Variants in PTPRM observed in about 807,000 individuals in gnomAD.
PTPRM encodes the protein protein tyrosine phosphatase receptor type M.
PTPRM carries 47 observed loss-of-function variants against 186.7 expected under a neutral mutation model. The observed-to-expected ratio is 0.25, with a 90% CI of 0.20 to 0.32. The LOEUF (loss-of-function observed/expected upper bound fraction) is 0.32, where lower values mean the gene tolerates loss of function less well. Ranked by LOEUF, PTPRM falls within the 10% of genes least tolerant of loss-of-function variation. PTPRM has a pLI of 1.00. For missense variants in PTPRM, 1,494 were observed against 1,865.0 expected (o/e 0.80, Z 3.66); for synonymous variants, 668 against 674.9 (o/e 0.99, Z 0.16).
At chr18:8,266,977 C>A (rs2094708636) in intron 19 of PTPRM, among the ~76,000 whole-genome samples, 1 of 152,164 alleles carries the variant, frequency 6.6e-6, no homozygotes, top group South Asian at 2.1e-4. Flanking sequence ...TCTTCACTCC[C>A]TTTATCTTCT....
rs375536095 is a variant in PTPRM, at chr18:7,888,466, G to A, written c.468+89G>A. 8.3e-4 allele frequency: 1,161 copies of A among 1,406,732 alleles called. 18 individuals are homozygous for A. In the South Asian group the frequency reaches 0.017, roughly 21 times the overall value. The allele number at this position is 1,406,732 out of a possible 1,614,324, so 87.1% of individuals were successfully genotyped here. A position where few individuals can be genotyped will look rare whatever the true frequency, so the allele number is the denominator to read the frequency against. ...TGTTATATCATTATAATCAGAAAAG[G>A]TTGTTGTATTTTTGTTGGCAAGGTT... On this transcript the variant is annotated intron_variant, in intron 3 of 32. Transcript: ENST00000580170.
chr18:8,328,630 A>G (rs2095393248), intron 22 of PTPRM, among the ~76,000 whole-genome samples: 1 of 152,244 alleles, frequency 6.6e-6, no homozygotes, highest in Non-Finnish European at 1.5e-5. Flanking sequence ...AAATTTAAAT[A>G]GGGATGCTTT....
At chr18:7,715,055 A>G (rs964709539) in intron 1 of PTPRM, among the ~76,000 whole-genome samples, 3 of 152,198 alleles carry the variant, frequency 2.0e-5, no homozygotes, top group African/African-American at 7.2e-5. Flanking sequence ...ACACAACCAA[A>G]AAAGAAAATT....
chr18:8,379,881 C>T (rs933183469), intron 28 of PTPRM, among the ~76,000 whole-genome samples: 2 of 152,218 alleles, frequency 1.3e-5, no homozygotes, highest in African/African-American at 4.8e-5. Context: ...AAAAAAAGTA[C>T]ATGTATTCTT....
chr18:8,201,755 C>G (rs1400047620), intron 14 of PTPRM, among the ~76,000 whole-genome samples: 2 of 152,132 alleles, frequency 1.3e-5, no homozygotes, highest in Non-Finnish European at 2.9e-5. Flanking sequence ...CCCTAAAGAC[C>G]TCATTTAATT....
At chr18:7,886,640 C>T (rs1400837663) in intron 2 of PTPRM, among the ~76,000 whole-genome samples, 1 of 152,072 alleles carries the variant, frequency 6.6e-6, no homozygotes. Context: ...GGGCTGGAAA[C>T]TCAGAAGCTC....
At chr18:8,279,049 C>T (rs1192218458) in intron 19 of PTPRM, among the ~76,000 whole-genome samples, 1 of 151,848 alleles carries the variant, frequency 6.6e-6, no homozygotes, top group East Asian at 1.9e-4. Flanking sequence ...GCACGTTGCG[C>T]ACATGTACCC....
intron 5 of PTPRM, among the ~76,000 whole-genome samples, chr18:7,938,749 A>G (rs919688488): frequency 6.6e-6 from 1 of 152,238 alleles, no homozygotes; most frequent in Admixed American, 6.5e-5. Context: ...TCTAAATAGC[A>G]AAATGAAGCT....
intron 23 of PTPRM, chr18:8,360,719 A>G (rs2242146): frequency 0.84 from 127,160 of 152,246 alleles, 53,429 homozygotes; most frequent in African/African-American, 0.92. Context: ...GGATGTGAAA[A>G]GAAGCTGGGA....
chr18:7,918,666 G>A (rs2050697041), intron 4 of PTPRM, among the ~76,000 whole-genome samples: 1 of 152,132 alleles, frequency 6.6e-6, no homozygotes, highest in Non-Finnish European at 1.5e-5. Flanking sequence ...TTTTGCTTGA[G>A]TTATTTGAGC....
chr18:8,130,549 T>A (rs2092478829), intron 13 of PTPRM, among the ~76,000 whole-genome samples: 1 of 152,220 alleles, frequency 6.6e-6, no homozygotes, highest in Admixed American at 6.5e-5. Context: ...AATGTCAAGC[T>A]TGCAGTGGGC....
chr18:7,608,341 G>C (rs1175717287), intron 1 of PTPRM, among the ~76,000 whole-genome samples: 1 of 152,188 alleles, frequency 6.6e-6, no homozygotes, highest in Non-Finnish European at 1.5e-5. Context: ...CCAGAACAAA[G>C]ACGGTTTCTA....
At chr18:8,308,940 C>T (rs1226880991) in intron 20 of PTPRM, among the ~76,000 whole-genome samples, 1 of 152,192 alleles carries the variant, frequency 6.6e-6, no homozygotes, top group African/African-American at 2.4e-5. Flanking sequence ...TTCTACTGGA[C>T]AGCGTTGGTA....
intron 19 of PTPRM, among the ~76,000 whole-genome samples, chr18:8,266,438 A>G (rs1263372689): frequency 6.6e-6 from 1 of 151,772 alleles, no homozygotes; most frequent in Non-Finnish European, 1.5e-5. Context: ...TTAATGTTTG[A>G]CATTTTACAG....
intron 5 of PTPRM, 22 bp downstream of exon 5, chr18:7,926,705 A>G (rs1289160684): frequency 1.3e-6 from 2 of 1,566,326 alleles, no homozygotes; most frequent in Admixed American, 1.8e-5. Flanking sequence ...CATTTTCATC[A>G]GTTGATGAGA....
chr18:7,656,336 T>A (rs908479052), intron 1 of PTPRM, among the ~76,000 whole-genome samples: 1 of 152,148 alleles, frequency 6.6e-6, no homozygotes, highest in African/African-American at 2.4e-5. Context: ...AAATTCCAAA[T>A]AATTTCACTT....
chr18:7,880,051 T>G (rs1481523405), intron 2 of PTPRM, among the ~76,000 whole-genome samples: 1 of 152,114 alleles, frequency 6.6e-6, no homozygotes, highest in East Asian at 1.9e-4. Context: ...AAGCCCCTTA[T>G]AAAACCATCA....
At chr18:8,319,753 C>T (rs637561) in intron 22 of PTPRM, among the ~76,000 whole-genome samples, 131,079 of 152,174 alleles carry the variant, frequency 0.86, 58,517 homozygotes, top group Non-Finnish European at 0.98. Flanking sequence ...ACTCAAAAAC[C>T]GTTTTGTGGC....
At chr18:7,570,755 T>C (rs2036546810) in intron 1 of PTPRM, among the ~76,000 whole-genome samples, 1 of 152,178 alleles carries the variant, frequency 6.6e-6, no homozygotes, top group African/African-American at 2.4e-5. Context: ...AGTGCTCTCC[T>C]GTCCTCTTTT....
Sources: gnomAD v4.1 joint callset for allele counts (sites outside exome capture counted in the v4.1 genomes callset) on GRCh38, gnomAD v4.1.1 for gene constraint, MANE v1.5 for transcripts, NCBI Gene and HGNC (gene_info 2026-07-23, HGNC 2026-07-21) for gene names.